The following USP10 variants were observed in gnomAD, a reference collection of about 807,000 sequenced individuals.
The protein encoded by USP10 is ubiquitin carboxyl-terminal hydrolase 10.
Under a neutral mutation model 84.5 loss-of-function variants are expected in USP10, and 22 were observed. The ratio of observed to expected loss-of-function variants is 0.26; its 90% CI spans 0.19 to 0.37. USP10 has a LOEUF of 0.37. USP10 is among the 10% of genes least tolerant of loss of function. The probability of loss-of-function intolerance (pLI) is 1.00; values close to 1 mark genes in which losing one functional copy is unlikely to be tolerated. For synonymous variants in USP10, 454 were observed against 387.6 expected (o/e 1.17, Z -2.01); for missense variants, 1,019 against 998.9 (o/e 1.02, Z -0.27).
rs1042180814 is a variant in USP10, at chr16:84,702,389, T to C, written c.21+2278T>C. On this transcript the variant is annotated intron_variant, in intron 1 of 13. Transcript: ENST00000219473. ...TCTCATAATTTTCATTTTAAAAGAA[T>C]AGTAATGCAAACAAGTAATGGAATC... Among the ~76,000 whole-genome samples, 11 of 152,240 alleles carry C rather than the reference T, an allele frequency of 7.2e-5. 1 individual carries two copies. The highest frequency in any genetic ancestry group is 5.2e-4 in the Admixed American group (8 of 15,296).
Position 84,759,767 on chromosome 16 carries a change from A to G in USP10, c.1395-124A>G, listed in dbSNP as rs150616871. 316 of 996,562 alleles carry G rather than the reference A, an allele frequency of 3.2e-4. 1 individual carries two copies. In the Middle Eastern group the frequency reaches 5.2e-3, roughly 17 times the overall value. 61.7% of individuals were successfully genotyped at this position (996,562 alleles called of 1,614,324 possible). ...GAGACTTGAGTTCACTAGCTGTTAC[A>G]GCATTGGTTACCTAAAATCTACTAT... On this transcript the variant is annotated intron_variant, in intron 6 of 13. Coordinates refer to ENST00000219473, the MANE Select transcript of USP10 (RefSeq NM_005153.3).
intron 1 of USP10, among the ~76,000 whole-genome samples, chr16:84,723,422 C>G (rs187341999): frequency 1.7e-3 from 254 of 152,198 alleles, no homozygotes; most frequent in Middle Eastern, 3.4e-3. Context: ...AGATGTACTC[C>G]TAGCTGGAAC....
chr16:84,735,238 G>T (rs11641059), intron 2 of USP10, among the ~76,000 whole-genome samples: 3,441 of 134,646 alleles, frequency 0.026, 127 homozygotes, highest in African/African-American at 0.087. Flanking sequence ...TGTGTGTGTG[G>T]TGTGTGTGTT....
chr16:84,763,936 C>G, intron 9 of USP10, 150 bp from the exon 10 acceptor site: 3 of 967,070 alleles, frequency 3.1e-6, no homozygotes, highest in Non-Finnish European at 4.5e-6. Context: ...GATCCAGTGA[C>G]GTTGCTCCTG....
chr16:84,774,215 C>G (rs1471321505), intron 12 of USP10, among the ~76,000 whole-genome samples: 1 of 151,784 alleles, frequency 6.6e-6, no homozygotes, highest in African/African-American at 2.4e-5. Context: ...TGCACTCCAG[C>G]CTGGGCAACA....
intron 2 of USP10, among the ~76,000 whole-genome samples, chr16:84,737,787 C>T (rs1910122273): frequency 6.6e-6 from 1 of 152,216 alleles, no homozygotes; most frequent in South Asian, 2.1e-4. Flanking sequence ...ACAGGACCTC[C>T]TCCCCAGAGT....
At chr16:84,738,813 T>C (rs1235912188) in intron 2 of USP10, among the ~76,000 whole-genome samples, 1 of 152,164 alleles carries the variant, frequency 6.6e-6, no homozygotes, top group African/African-American at 2.4e-5. Context: ...ATTGAATTGG[T>C]GTGCTGAGAT....
At chr16:84,702,171 C>G (rs566115552) in intron 1 of USP10, among the ~76,000 whole-genome samples, 3 of 150,496 alleles carry the variant, frequency 2.0e-5, no homozygotes, top group South Asian at 2.1e-4. Flanking sequence ...ATTCTCCTGC[C>G]TCAGCCTCCC....
At chr16:84,731,776 C>CT (rs5818506) in intron 1 of USP10, among the ~76,000 whole-genome samples, 39,413 of 148,762 alleles carry the variant, frequency 0.26, 5,193 homozygotes, top group African/African-American at 0.35. Context: ...TCTGATAGCT[C>CT]TTTTTTTTTT....
rs1915330209 is a variant in USP10 at position 84,779,211 on chromosome 16, G to A, written c.*129G>A. 1.8e-6 allele frequency: 2 copies of A among 1,124,294 alleles called. No homozygotes were observed. The highest frequency in any genetic ancestry group is 1.2e-6 in the Non-Finnish European group (1 of 805,530). The allele number at this position is 1,124,294 out of a possible 1,614,324, so 69.6% of individuals were successfully genotyped here. A position where few individuals can be genotyped will look rare whatever the true frequency, so the allele number is the denominator to read the frequency against. Reference sequence around the variant, plus strand: ...TCCCTTTGCAAAAATGGGCTAGAATGAAAAGGAGATGCCTTGGGGTTCGTG... The same window carrying A: ...TCCCTTTGCAAAAATGGGCTAGAATAAAAAGGAGATGCCTTGGGGTTCGTG... On this transcript the variant is annotated 3_prime_UTR_variant, in exon 14 of 14. Transcript: ENST00000219473.
At chr16:84,702,015 T>C (rs1288043165) in intron 1 of USP10, among the ~76,000 whole-genome samples, 2 of 146,438 alleles carry the variant, frequency 1.4e-5, no homozygotes, top group Admixed American at 6.9e-5. Flanking sequence ...CCTATAAACT[T>C]TTTTATTTAT....
At chr16:84,729,662 C>A (rs78952482) in intron 1 of USP10, among the ~76,000 whole-genome samples, 1 of 152,270 alleles carries the variant, frequency 6.6e-6, no homozygotes, top group African/African-American at 2.4e-5. Context: ...GTTATAAAAT[C>A]GAAAGGACCG....
chr16:84,709,037 A>T (rs1298229651), intron 1 of USP10: 4 of 152,228 alleles, frequency 2.6e-5, no homozygotes, highest in Non-Finnish European at 5.9e-5. Flanking sequence ...AAGAACATTC[A>T]TTCATTCGTT....
chr16:84,703,448 A>G (rs1210001959), intron 1 of USP10, among the ~76,000 whole-genome samples: 2 of 152,132 alleles, frequency 1.3e-5, no homozygotes, highest in Non-Finnish European at 2.9e-5. Flanking sequence ...GATCCTCCAC[A>G]TTTTACATGA....
intron 4 of USP10, among the ~76,000 whole-genome samples, chr16:84,756,903 G>C (rs1442724737): frequency 6.6e-6 from 1 of 152,182 alleles, no homozygotes; most frequent in Non-Finnish European, 1.5e-5. Flanking sequence ...GGAAAAGTAA[G>C]TATCTGAAAC....
At chr16:84,700,237 C>A (rs1904661864) in intron 1 of USP10, 126 bp downstream of exon 1, 2 of 790,592 alleles carry the variant, frequency 2.5e-6, no homozygotes, top group Non-Finnish European at 3.2e-6. Flanking sequence ...CGCTGGGACA[C>A]GCTGCCCGGG....
intron 1 of USP10, among the ~76,000 whole-genome samples, chr16:84,712,851 C>T (rs1906493265): frequency 6.6e-6 from 1 of 152,190 alleles, no homozygotes; most frequent in East Asian, 1.9e-4. Flanking sequence ...GTCTCTTTCT[C>T]AGCAAGTGTA....
chr16:84,740,123 G>GT (rs1422374793), intron 2 of USP10, among the ~76,000 whole-genome samples, 186 bp from the exon 3 acceptor site: 1 of 152,086 alleles, frequency 6.6e-6, no homozygotes, highest in Non-Finnish European at 1.5e-5. Context: ...TTTCTATTGT[G>GT]TTTTTTTCGT....
intron 4 of USP10, among the ~76,000 whole-genome samples, chr16:84,756,651 TA>T (rs796589020): frequency 6.0e-5 from 9 of 149,420 alleles, no homozygotes; most frequent in Non-Finnish European, 1.0e-4. Flanking sequence ...AGGTTAGGTT[TA>T]AAAAAAAAAG....
Sources: gnomAD v4.1 joint callset for allele counts (sites outside exome capture counted in the v4.1 genomes callset) on GRCh38, gnomAD v4.1.1 for gene constraint, MANE v1.5 for transcripts, NCBI Gene and HGNC (gene_info 2026-07-23, HGNC 2026-07-21) for gene names.